Variants in PTPRM observed in about 807,000 individuals in gnomAD.
The protein encoded by PTPRM is protein tyrosine phosphatase receptor type M, also known as receptor-type tyrosine-protein phosphatase mu.
PTPRM carries 47 observed loss-of-function variants against 186.7 expected under a neutral mutation model. That is an observed-to-expected ratio of 0.25 (90% CI 0.20 to 0.32). The LOEUF (loss-of-function observed/expected upper bound fraction) is 0.32. Among genes scored for constraint, PTPRM ranks in the 10% least tolerant of loss-of-function variants. PTPRM has a pLI of 1.00. For synonymous variants in PTPRM, 668 were observed against 674.9 expected (o/e 0.99, Z 0.16); for missense variants, 1,494 against 1,865.0 (o/e 0.80, Z 3.66).
chr18:8,052,895 T>G (rs886716373), intron 7 of PTPRM, among the ~76,000 whole-genome samples: 3 of 152,188 alleles, frequency 2.0e-5, no homozygotes, highest in Admixed American at 2.0e-4. Flanking sequence ...AGAATGGAAT[T>G]TACTTTGACT....
At chr18:8,245,147 G>C (rs2094465790) in intron 15 of PTPRM, among the ~76,000 whole-genome samples, 1 of 152,168 alleles carries the variant, frequency 6.6e-6, no homozygotes, top group South Asian at 2.1e-4. Context: ...TACCCACTGT[G>C]GTCAGTGTGG....
At chr18:8,065,627 T>G (rs1600361398) in intron 7 of PTPRM, among the ~76,000 whole-genome samples, 1 of 151,890 alleles carries the variant, frequency 6.6e-6, no homozygotes, top group Non-Finnish European at 1.5e-5. Flanking sequence ...GGCCAGAGGG[T>G]GTGAGTGTGA....
intron 2 of PTPRM, among the ~76,000 whole-genome samples, chr18:7,811,971 T>C (rs1408283738): frequency 6.6e-6 from 1 of 152,230 alleles, no homozygotes; most frequent in African/African-American, 2.4e-5. Context: ...GGATATGTTA[T>C]TGGAGTGAAT....
chr18:8,232,681 T>C (rs1309885898), intron 14 of PTPRM, among the ~76,000 whole-genome samples: 1 of 152,168 alleles, frequency 6.6e-6, no homozygotes, highest in African/African-American at 2.4e-5. Flanking sequence ...GGTTTCACCA[T>C]GTTGGCAAGG....
chr18:7,669,444 G>A (rs1373293870), intron 1 of PTPRM, among the ~76,000 whole-genome samples: 1 of 152,134 alleles, frequency 6.6e-6, no homozygotes, highest in East Asian at 1.9e-4. Flanking sequence ...TGCCTATTGG[G>A]CCCCCAGTTT....
rs1285074075 is a variant in PTPRM at position 8,240,847 on chromosome 18, G to GA, written c.2301-3208dup. Among the ~76,000 whole-genome samples the GA allele has an allele frequency of 1.6e-4, 20 of 127,136 alleles. 1 individual carries two copies. The highest frequency in any genetic ancestry group is 8.3e-5 in the Non-Finnish European group (5 of 60,170). The allele number at this position is 127,136 out of a possible 152,430, so 83.4% of individuals were successfully genotyped here. A position where few individuals can be genotyped will look rare whatever the true frequency, so the allele number is the denominator to read the frequency against. On this transcript the variant is annotated intron_variant, in intron 14 of 32. Transcript: ENST00000580170. The stretch of plus-strand genomic sequence containing the variant: ...GAGAGAAAGAAAGAAAGAAAGAAAA[G>GA]AAAGAAAGAAAGAAATTGAAAGTTT...
intron 2 of PTPRM, among the ~76,000 whole-genome samples, chr18:7,821,143 C>T (rs1365191031): frequency 2.6e-5 from 4 of 152,202 alleles, no homozygotes; most frequent in Non-Finnish European, 5.9e-5. Flanking sequence ...AACTCACTCT[C>T]AGCCCCAGGA....
intron 7 of PTPRM, among the ~76,000 whole-genome samples, chr18:7,992,875 G>A (rs2083334388): frequency 1.3e-5 from 2 of 151,976 alleles, no homozygotes; most frequent in Non-Finnish European, 2.9e-5. Context: ...ATAAAAACAA[G>A]TAAGACAATT....
intron 2 of PTPRM, among the ~76,000 whole-genome samples, chr18:7,842,219 G>A (rs79647171): frequency 0.02 from 3,104 of 152,272 alleles, 100 homozygotes; most frequent in African/African-American, 0.07. Flanking sequence ...GAAGGGACAC[G>A]AGGGTGATAT....
At chr18:8,187,431 G>A (rs544928628) in intron 14 of PTPRM, among the ~76,000 whole-genome samples, 103 of 152,336 alleles carry the variant, frequency 6.8e-4, no homozygotes, top group African/African-American at 2.2e-3. Context: ...TGGGCAAGGC[G>A]GTGGCAGACG....
intron 11 of PTPRM, among the ~76,000 whole-genome samples, chr18:8,089,971 T>G (rs774217417): frequency 1.1e-4 from 16 of 152,212 alleles, no homozygotes; most frequent in Non-Finnish European, 2.1e-4. Context: ...TGCAACACAG[T>G]AGCTCATATG....
chr18:7,738,385 G>A (rs2040816096), intron 1 of PTPRM, among the ~76,000 whole-genome samples: 1 of 152,082 alleles, frequency 6.6e-6, no homozygotes, highest in Non-Finnish European at 1.5e-5. Context: ...TTGGCGAGAG[G>A]TCAGGTGAAT....
intron 19 of PTPRM, among the ~76,000 whole-genome samples, chr18:8,277,555 A>G (rs1758098815): frequency 6.6e-6 from 1 of 152,256 alleles, no homozygotes; most frequent in Non-Finnish European, 1.5e-5. Flanking sequence ...GCAGTGGAGA[A>G]GAGATACTGA....
intron 2 of PTPRM, among the ~76,000 whole-genome samples, chr18:7,844,471 C>T (rs1470974553): frequency 6.6e-6 from 1 of 152,122 alleles, no homozygotes; most frequent in Admixed American, 6.5e-5. Flanking sequence ...AGTTATCTCC[C>T]TCCCACCCCC....
At chr18:8,294,750 C>A (rs2095077836) in intron 19 of PTPRM, among the ~76,000 whole-genome samples, 1 of 152,188 alleles carries the variant, frequency 6.6e-6, no homozygotes, top group South Asian at 2.1e-4. Context: ...ATGATCACGA[C>A]TAAGGGACCT....
At chr18:7,742,868 C>G (rs958231571) in intron 1 of PTPRM, among the ~76,000 whole-genome samples, 3 of 152,106 alleles carry the variant, frequency 2.0e-5, no homozygotes, top group Non-Finnish European at 4.4e-5. Flanking sequence ...TCAATCATTT[C>G]TCTTGAAAGT....
intron 7 of PTPRM, among the ~76,000 whole-genome samples, chr18:8,001,373 T>A (rs918360673): frequency 6.6e-6 from 1 of 152,176 alleles, no homozygotes; most frequent in African/African-American, 2.4e-5. Context: ...CTCAGTTTTG[T>A]GTGTCACAGG....
intron 19 of PTPRM, among the ~76,000 whole-genome samples, chr18:8,294,577 T>C (rs1465727104): frequency 1.3e-5 from 2 of 152,170 alleles, no homozygotes; most frequent in African/African-American, 4.8e-5. Context: ...CAATTGAAGA[T>C]GAGATTTGGG....
intron 14 of PTPRM, among the ~76,000 whole-genome samples, chr18:8,168,297 C>T (rs963297182): frequency 1.3e-5 from 2 of 152,174 alleles, no homozygotes; most frequent in Non-Finnish European, 2.9e-5. Flanking sequence ...TTGGTTTTCA[C>T]ATTAAACCTT....
Sources: allele counts gnomAD v4.1 joint callset (sites outside exome capture counted in the v4.1 genomes callset), GRCh38; gene constraint gnomAD v4.1.1; transcripts MANE v1.5; gene names NCBI Gene and HGNC (gene_info 2026-07-23, HGNC 2026-07-21).